FRY: variants seen among roughly 807,000 people sequenced by gnomAD.
The protein encoded by FRY is FRY microtubule binding protein.
A neutral mutation model predicts 348.4 loss-of-function variants in FRY; 128 were observed. That is an observed-to-expected ratio of 0.37 (90% confidence interval 0.32 to 0.43). FRY has a LOEUF of 0.43. Among genes scored for constraint, FRY ranks in the 20% least tolerant of loss-of-function variants. FRY has a pLI of 1.00. For synonymous variants in FRY, 1,370 were observed against 1,374.7 expected (o/e 1.00, Z 0.08); for missense variants, 2,736 against 3,695.2 (o/e 0.74, Z 6.73).
intron 13 of FRY, 72 bp downstream of exon 13, chr13:32,148,019 A>T (rs1566097238): frequency 2.3e-6 from 2 of 871,720 alleles, no homozygotes; most frequent in Non-Finnish European, 4.0e-6. Flanking sequence ...CTTATGAAGT[A>T]CTAAAAGACG....
chr13:32,237,654 C>A lies in FRY; in HGVS notation c.6086C>A (p.Thr2029Lys), dbSNP rs750963399. The change falls in exon 44 of 61, where the codon ACG becomes AAG. Residue 2029 changes from threonine (T) to lysine (K), a missense_variant. Around this residue, in one of 9 missense-constraint regions of FRY, gnomAD observed 789 missense variants for 996.2 expected, o/e 0.79. Transcript: ENST00000542859. This position sits in a 1 kb window ranked among gnomAD's most constrained non-coding sequence, Gnocchi z 6.3. ...TCATCCTCCTTGAAGGACAGTCTCA[C>A]GGACCCATCCCACATAAACCATCCC... The part of the protein sequence containing the change: ...RSSSSLKDSL[T>K]DPSHINHPTN... 37 of 1,613,990 alleles carry A rather than the reference C, an allele frequency of 2.3e-5. No individual in the cohort carries two copies. The highest frequency in any genetic ancestry group is 3.1e-5 in the Non-Finnish European group (36 of 1,179,980).
At chr13:32,096,415 G>T (rs889324804) in intron 2 of FRY, among the ~76,000 whole-genome samples, 1 of 150,892 alleles carries the variant, frequency 6.6e-6, no homozygotes, top group Non-Finnish European at 1.5e-5. Flanking sequence ...CAACTAACAG[G>T]TGACTCTGCT....
intron 31 of FRY, among the ~76,000 whole-genome samples, chr13:32,203,938 A>G (rs116577211): frequency 2.1e-3 from 318 of 152,322 alleles, no homozygotes; most frequent in African/African-American, 7.4e-3. Context: ...TGCAAAGCCA[A>G]ATATGTCCAG....
At chr13:32,126,919 G>T (rs1879055516) in intron 7 of FRY, among the ~76,000 whole-genome samples, 1 of 152,198 alleles carries the variant, frequency 6.6e-6, no homozygotes, top group African/African-American at 2.4e-5. Context: ...CAATGATAAT[G>T]CTTATTAAAT....
At chr13:32,212,885 T>TA (rs1216438992) in intron 35 of FRY, among the ~76,000 whole-genome samples, 4 of 152,178 alleles carry the variant, frequency 2.6e-5, no homozygotes, top group Non-Finnish European at 5.9e-5. Context: ...TCTTTAATAA[T>TA]AATATTTCCC....
Position 32,169,580 on chromosome 13 carries a change from T to C in FRY, c.1893-1432T>C, listed in dbSNP as rs75326159. On this transcript the variant is annotated intron_variant, in intron 17 of 60. Coordinates refer to ENST00000542859, the MANE Select transcript of FRY (RefSeq NM_023037.3). ...CATTCTGACTCCAGAGTACACACTC[T>C]GAATCCCTTCCCTGCTGTGTTGTCT... Among the ~76,000 whole-genome samples the C allele has an allele frequency of 6.9e-3, 1,055 of 152,286 alleles. 5 individuals are homozygous for C. Among genetic ancestry groups the C allele is most frequent in the African/African-American group, 0.024 (1,008 of 41,558 alleles).
intron 12 of FRY, 149 bp from the exon 13 acceptor site, chr13:32,147,690 T>C: frequency 1.4e-6 from 1 of 700,986 alleles, no homozygotes; most frequent in Non-Finnish European, 2.6e-6. Flanking sequence ...CATAGAGTAA[T>C]TATGCTAATG....
intron 31 of FRY, among the ~76,000 whole-genome samples, chr13:32,206,900 A>G (rs1884385968): frequency 1.3e-5 from 2 of 152,302 alleles, no homozygotes; most frequent in East Asian, 3.9e-4. Context: ...GTTCAGGTCC[A>G]CTGAACAAGA....
intron 2 of FRY, among the ~76,000 whole-genome samples, chr13:32,092,046 A>C (rs1876349944): frequency 6.6e-6 from 1 of 152,230 alleles, no homozygotes; most frequent in South Asian, 2.1e-4. Context: ...TGGGTTAAAC[A>C]CATTCATTGA....
In FRY at chr13:32,209,580, T is replaced by C; in HGVS notation, c.4276-5T>C. 6.2e-7 allele frequency: 1 copy of C among 1,614,062 alleles called. No homozygotes were observed. Among genetic ancestry groups the C allele is most frequent in the Non-Finnish European group, 8.5e-7 (1 of 1,179,922 alleles). On this transcript the variant is annotated splice_polypyrimidine_tract_variant and splice_region_variant and intron_variant, in intron 32 of 60. Transcript: ENST00000542859. ...TCTCTTGGGCCGGTTTTTATTTTGT[T>C]ATAGTATGGAGATGAAGTTCCTGGG...
chr13:32,266,921 T>C (rs1887952909), intron 54 of FRY, among the ~76,000 whole-genome samples: 1 of 151,992 alleles, frequency 6.6e-6, no homozygotes, highest in South Asian at 2.1e-4. Context: ...GAGGCAGAGG[T>C]TGCAGTGAGC....
At chr13:32,288,862 G>A (rs1889202969) in intron 58 of FRY, among the ~76,000 whole-genome samples, 1 of 152,180 alleles carries the variant, frequency 6.6e-6, no homozygotes. Context: ...AAAGTGTAGA[G>A]GGTACAGCTC....
In FRY at chr13:32,239,706, A is replaced by AAAAAAATC; in HGVS notation, c.6517-2_6517-1insAAATCAAA. On this transcript the variant is annotated splice_polypyrimidine_tract_variant and splice_region_variant and intron_variant, in intron 45 of 60. Transcript: ENST00000542859. The surrounding 1 kb of genome is among the most constrained non-coding windows in gnomAD (Gnocchi z 4.3). The stretch of plus-strand genomic sequence containing the variant: ...TATTCCTAATTGATTTTTTTATTTT[A>AAAAAAATC]AAAGGTTTGTTTAGAAGAGAAGAAC... 1 of 1,599,498 alleles carries AAAAAAATC rather than the reference A, an allele frequency of 6.3e-7. No homozygotes were observed. Among genetic ancestry groups the AAAAAAATC allele is most frequent in the Non-Finnish European group, 8.6e-7 (1 of 1,167,004 alleles).
chr13:32,183,502 G>T (rs999072146), intron 24 of FRY, among the ~76,000 whole-genome samples: 2 of 152,220 alleles, frequency 1.3e-5, no homozygotes, highest in South Asian at 4.1e-4. Context: ...AAAGGGCCAG[G>T]CGCGATGGCG....
At chr13:32,196,579 A>AGTGT (rs147310088) in intron 29 of FRY, among the ~76,000 whole-genome samples, 1 of 149,648 alleles carries the variant, frequency 6.7e-6, no homozygotes, top group Non-Finnish European at 1.5e-5. Flanking sequence ...TGAGTGTGAG[A>AGTGT]GTGTGTGTGT....
At chr13:32,041,244 A>G (rs1872731585) in intron 1 of FRY, among the ~76,000 whole-genome samples, 1 of 144,938 alleles carries the variant, frequency 6.9e-6, no homozygotes, top group African/African-American at 2.5e-5. Context: ...ACTTAGCTAT[A>G]GTATCACTTG....
intron 36 of FRY, among the ~76,000 whole-genome samples, chr13:32,223,567 G>A (rs751908286): frequency 1.1e-4 from 17 of 151,992 alleles, no homozygotes; most frequent in Non-Finnish European, 1.9e-4. Flanking sequence ...CTTGAGTCCA[G>A]GAGTTCGAGA....
At chr13:32,164,322 C>T (rs1201516882) in intron 17 of FRY, among the ~76,000 whole-genome samples, 2 of 152,156 alleles carry the variant, frequency 1.3e-5, no homozygotes, top group Admixed American at 6.5e-5. Context: ...ATCCGTGGTA[C>T]ACTTTTTATT....
intron 53 of FRY, among the ~76,000 whole-genome samples, chr13:32,262,784 G>C (rs925282133): frequency 1.5e-4 from 23 of 152,216 alleles, no homozygotes; most frequent in Non-Finnish European, 2.9e-4. Context: ...TGAGATGGCT[G>C]TGACTGGGAA....
Sources: allele counts gnomAD v4.1 joint callset (sites outside exome capture counted in the v4.1 genomes callset), GRCh38; gene constraint gnomAD v4.1.1; regional missense constraint gnomAD v4.1.1; non-coding constraint Gnocchi (gnomAD v3.1); transcripts MANE v1.5; gene names NCBI Gene and HGNC (gene_info 2026-07-23, HGNC 2026-07-21).